The following ADAMTS9 variants were observed in gnomAD, a reference collection of about 807,000 sequenced individuals.
The protein encoded by ADAMTS9 is ADAM metallopeptidase with thrombospondin type 1 motif 9.
ADAMTS9 carries 107 observed loss-of-function variants against 257.1 expected under a neutral mutation model. The ratio of observed to expected loss-of-function variants is 0.42; its 90% CI spans 0.36 to 0.49. ADAMTS9 has a LOEUF of 0.49. Ranked by LOEUF, ADAMTS9 falls within the 20% of genes least tolerant of loss-of-function variation. ADAMTS9 has a pLI of 0.03. For synonymous variants in ADAMTS9, 982 were observed against 880.9 expected (o/e 1.11, Z -2.03); for missense variants, 2,353 against 2,469.1 (o/e 0.95, Z 1.00).
chr3:64,592,983 T>C (rs1214614904), intron 28 of ADAMTS9, among the ~76,000 whole-genome samples: 1 of 152,144 alleles, frequency 6.6e-6, no homozygotes, highest in Non-Finnish European at 1.5e-5. Flanking sequence ...GATTCTAAGG[T>C]TATTTCTGAT....
At chr3:64,529,765 A>G (rs1359833781) in intron 38 of ADAMTS9, among the ~76,000 whole-genome samples, 1 of 152,130 alleles carries the variant, frequency 6.6e-6, no homozygotes, top group Non-Finnish European at 1.5e-5. Flanking sequence ...ATCACCAGGG[A>G]AATGGTTACA....
At chr3:64,651,218 G>A (rs1700924025) in intron 8 of ADAMTS9, 55 bp from the exon 9 acceptor site, 1 of 1,456,850 alleles carries the variant, frequency 6.9e-7, no homozygotes, top group Non-Finnish European at 9.1e-7. Context: ...GGATCATGCT[G>A]TTCTAATTGC....
rs965631751 is a variant in ADAMTS9, at chr3:64,675,420, C to T, written c.679+5781G>A. On this transcript the variant is annotated intron_variant, in intron 3 of 39. Transcript: ENST00000498707. ...GGTTTGTAGGCCAGGCATGATGGCTCAGTCCTGTAATCCCAGGGAGATTCT... is the reference window on the plus strand; with the variant it reads ...GGTTTGTAGGCCAGGCATGATGGCTTAGTCCTGTAATCCCAGGGAGATTCT... Among the ~76,000 whole-genome samples the T allele has an allele frequency of 5.3e-5, 8 of 152,116 alleles. 1 individual carries two copies. Among genetic ancestry groups the T allele is most frequent in the African/African-American group, 9.7e-5 (4 of 41,428 alleles).
chr3:64,541,192 G>C lies in ADAMTS9; in HGVS notation c.5424C>G (p.Ser1808Arg). ...TCCGACATTGGCAGTCATCGCGCCGGCTCCCGTTATAGGGACATTCTGTTG... is the reference window on the plus strand; with the variant it reads ...TCCGACATTGGCAGTCATCGCGCCGCCTCCCGTTATAGGGACATTCTGTTG... ...HNPTECPYNG[S>R]RRDDCQCRKD... The change falls in exon 36 of 40, where the codon AGC becomes AGG. Residue 1808 changes from serine (S) to arginine (R), a missense_variant. Physicochemically the swap from Ser to Arg is moderately radical, Grantham distance 110. Around this residue, in one of 3 missense-constraint regions of ADAMTS9, gnomAD observed 1,402 missense variants for 1,441.4 expected, o/e 0.97. Coordinates refer to ENST00000498707, the MANE Select transcript of ADAMTS9 (RefSeq NM_182920.2). 6.2e-7 allele frequency: 1 copy of C among 1,614,164 alleles called. No individual in the cohort carries two copies. The highest frequency in any genetic ancestry group is 8.5e-7 in the Non-Finnish European group (1 of 1,180,020).
At chr3:64,590,667 T>C (rs2084243062) in intron 28 of ADAMTS9, among the ~76,000 whole-genome samples, 1 of 152,116 alleles carries the variant, frequency 6.6e-6, no homozygotes, top group South Asian at 2.1e-4. Context: ...CAAACTTTAA[T>C]ACGAAAATGA....
chr3:64,578,937 C>G (rs541729214), intron 28 of ADAMTS9, among the ~76,000 whole-genome samples: 1 of 152,288 alleles, frequency 6.6e-6, no homozygotes, highest in African/African-American at 2.4e-5. Flanking sequence ...AATGGTCTTA[C>G]CACTTCCATG....
chr3:64,664,726 T>G (rs749773815), intron 3 of ADAMTS9, among the ~76,000 whole-genome samples: 1 of 152,236 alleles, frequency 6.6e-6, no homozygotes, highest in Admixed American at 6.5e-5. Flanking sequence ...ACATTGCTGC[T>G]ATGAACATTC....
intron 2 of ADAMTS9, among the ~76,000 whole-genome samples, chr3:64,683,681 G>T (rs1386590070): frequency 6.6e-6 from 1 of 152,190 alleles, no homozygotes; most frequent in East Asian, 1.9e-4. Flanking sequence ...TTGTACTGTT[G>T]ATTCACAAAG....
chr3:64,641,807 C>T (rs1394941574), intron 12 of ADAMTS9, 41 bp downstream of exon 12: 3 of 1,605,322 alleles, frequency 1.9e-6, no homozygotes, highest in African/African-American at 1.3e-5. Flanking sequence ...TTTCATGTTC[C>T]TGCCACGGCA....
intron 39 of ADAMTS9, chr3:64,521,518 A>T (rs962230076): frequency 1.3e-5 from 2 of 152,264 alleles, no homozygotes; most frequent in African/African-American, 4.8e-5. Context: ...ACTATTCACA[A>T]TAGCAAACGT....
intron 8 of ADAMTS9, among the ~76,000 whole-genome samples, chr3:64,653,522 C>T (rs1700982955): frequency 6.6e-6 from 1 of 152,198 alleles, no homozygotes; most frequent in Non-Finnish European, 1.5e-5. Flanking sequence ...GTACACTACA[C>T]TGCACATAGG....
At chr3:64,533,049 T>A (rs2083003072) in intron 38 of ADAMTS9, 117 bp downstream of exon 38, 28 of 856,338 alleles carry the variant, frequency 3.3e-5, no homozygotes, top group Non-Finnish European at 4.8e-5. Context: ...CACTACAAAA[T>A]GGCTTAAGTG....
Position 64,658,653 on chromosome 3 carries a change from G to A in ADAMTS9, c.818C>T (p.Thr273Met), listed in dbSNP as rs111904513. Residue 273 changes from threonine to methionine, a missense_variant, in exon 4 of 40, where the codon ACG (threonine) becomes ATG (methionine). Around this residue, in one of 3 missense-constraint regions of ADAMTS9, gnomAD observed 591 missense variants for 569.6 expected, o/e 1.04. Transcript: ENST00000498707. ...TEAFSAYGNK[T>M]DNTREKRTHR... ...GGTCCTCTTTTCTCTTGTGTTGTCC[G>A]TCTTATTACCATAAGCAGAAAATGC... The A allele has an allele frequency of 2.6e-4, 419 of 1,613,722 alleles. No individual in the cohort carries two copies. The highest frequency in any genetic ancestry group is 3.2e-4 in the Non-Finnish European group (380 of 1,180,002).
chr3:64,545,889 C>T (rs757637046), intron 32 of ADAMTS9, among the ~76,000 whole-genome samples: 5 of 152,158 alleles, frequency 3.3e-5, no homozygotes, highest in African/African-American at 9.7e-5. Flanking sequence ...AGCTACCATG[C>T]CTGGCTGCCT....
intron 37 of ADAMTS9, among the ~76,000 whole-genome samples, chr3:64,533,864 A>G (rs2083013854): frequency 1.3e-5 from 2 of 152,176 alleles, no homozygotes. Flanking sequence ...AGGCTCCGGT[A>G]AGGGAGATCT....
At chr3:64,566,597 G>A (rs763008583) in intron 29 of ADAMTS9, among the ~76,000 whole-genome samples, 6 of 152,180 alleles carry the variant, frequency 3.9e-5, no homozygotes, top group Non-Finnish European at 5.9e-5. Context: ...ATCACATGAT[G>A]CTGGATTAAA....
intron 28 of ADAMTS9, 88 bp from the exon 29 acceptor site, chr3:64,568,623 A>T: frequency 6.8e-7 from 1 of 1,460,120 alleles, no homozygotes; most frequent in Non-Finnish European, 9.4e-7. Flanking sequence ...TGTTAAGACA[A>T]TGCCTAACAA....
intron 39 of ADAMTS9, among the ~76,000 whole-genome samples, chr3:64,517,997 T>A (rs2082802003): frequency 1.3e-5 from 2 of 152,202 alleles, no homozygotes; most frequent in South Asian, 4.1e-4. Context: ...AAAGCGACCA[T>A]GCGACCTAAC....
chr3:64,632,388 G>A (rs866940701), intron 14 of ADAMTS9, among the ~76,000 whole-genome samples: 2 of 152,144 alleles, frequency 1.3e-5, no homozygotes, highest in Non-Finnish European at 2.9e-5. Context: ...CTGCCATGAG[G>A]GAATGGGAGC....
Sources: gnomAD v4.1 joint callset for allele counts (sites outside exome capture counted in the v4.1 genomes callset) on GRCh38, gnomAD v4.1.1 for gene constraint, gnomAD v4.1.1 regional missense constraint, MANE v1.5 for transcripts, NCBI Gene and HGNC (gene_info 2026-07-23, HGNC 2026-07-21) for gene names.